TRAIP: variants seen among roughly 807,000 people sequenced by gnomAD.
The protein encoded by TRAIP is TRAF interacting protein, also known as E3 ubiquitin-protein ligase TRAIP.
TRAIP carries 37 observed loss-of-function variants against 65.0 expected under a neutral mutation model. That is an observed-to-expected ratio of 0.57 (90% CI 0.44 to 0.75). The LOEUF (loss-of-function observed/expected upper bound fraction) is 0.75, where lower values mean the gene tolerates loss of function less well. Among genes scored for constraint, TRAIP ranks in the 30% least tolerant of loss-of-function variants. The pLI is 0.00. For synonymous variants in TRAIP, 187 were observed against 219.1 expected (o/e 0.85, Z 1.29); for missense variants, 481 against 579.4 (o/e 0.83, Z 1.74).
intron 4 of TRAIP, 164 bp from the exon 5 acceptor site, chr3:49,844,092 A>G: frequency 4.4e-6 from 4 of 910,918 alleles, no homozygotes; most frequent in Non-Finnish European, 3.2e-6. Context: ...GTGCCAAACC[A>G]GAGAAGCTGA....
chr3:49,833,522 C>T (rs945405420), intron 10 of TRAIP, among the ~76,000 whole-genome samples: 1 of 151,906 alleles, frequency 6.6e-6, no homozygotes, highest in Non-Finnish European at 1.5e-5. Context: ...CTCTGTCACC[C>T]AGGCTGGAGT....
At chr3:49,847,442 G>A (rs2108319296) in intron 3 of TRAIP, 83 bp downstream of exon 3, 3 of 820,448 alleles carry the variant, frequency 3.7e-6, no homozygotes, top group Non-Finnish European at 5.9e-6. Context: ...GAGAAGAGAA[G>A]AGAAAAAAGA....
Position 49,828,970 on chromosome 3 carries a change from C to T in TRAIP, c.*133G>A. 1.6e-6 allele frequency: 2 copies of T among 1,280,400 alleles called. No homozygotes were observed. The highest frequency in any genetic ancestry group is 1.8e-5 in the Admixed American group (1 of 56,672). 79.3% of individuals were successfully genotyped at this position (1,280,400 alleles called of 1,614,324 possible). A position where few individuals can be genotyped will look rare whatever the true frequency, so the allele number is the denominator to read the frequency against. ...GCAGTCTCTGGGTGCCACACTCACC[C>T]TCACCTGTTTGTCTGCCCTTACACC... On this transcript the variant is annotated 3_prime_UTR_variant, in exon 15 of 15. Coordinates refer to ENST00000331456, the MANE Select transcript of TRAIP (RefSeq NM_005879.3).
At chr3:49,834,384 G>T (rs202088994) in intron 10 of TRAIP, among the ~76,000 whole-genome samples, 1 of 152,172 alleles carries the variant, frequency 6.6e-6, no homozygotes, top group East Asian at 1.9e-4. Flanking sequence ...ATGGCCAGGG[G>T]ACAAGAGACT....
intron 11 of TRAIP, among the ~76,000 whole-genome samples, chr3:49,831,150 C>A (rs996354655): frequency 6.6e-6 from 1 of 152,206 alleles, no homozygotes; most frequent in Non-Finnish European, 1.5e-5. Context: ...GTGCCCATGC[C>A]CCCTGAGGTT....
chr3:49,833,135 C>T (rs1203068525), intron 10 of TRAIP, among the ~76,000 whole-genome samples: 1 of 152,184 alleles, frequency 6.6e-6, no homozygotes, highest in African/African-American at 2.4e-5. Flanking sequence ...CAGCCAGGAC[C>T]ACTCATGCCA....
intron 11 of TRAIP, among the ~76,000 whole-genome samples, chr3:49,831,207 C>A (rs1192321613): frequency 2.0e-5 from 3 of 152,224 alleles, no homozygotes; most frequent in African/African-American, 7.2e-5. Flanking sequence ...CTCCCTTCCA[C>A]CTCCACTGTC....
chr3:49,847,444 G>A (rs1177655597), intron 3 of TRAIP, 81 bp downstream of exon 3: 3 of 871,032 alleles, frequency 3.4e-6, no homozygotes, highest in Non-Finnish European at 5.5e-6. Context: ...GAAGAGAAGA[G>A]AAAAAAGAAA....
chr3:49,841,523 T>C (rs577732269), intron 7 of TRAIP, among the ~76,000 whole-genome samples: 8 of 152,346 alleles, frequency 5.3e-5, no homozygotes, highest in Admixed American at 4.6e-4. Flanking sequence ...ATGGGGCTTA[T>C]AGCCCAGAGA....
intron 5 of TRAIP, 146 bp from the exon 6 acceptor site, chr3:49,842,693 A>T: frequency 2.8e-6 from 2 of 704,656 alleles, no homozygotes; most frequent in Non-Finnish European, 4.7e-6. Flanking sequence ...CCAGGAGGTA[A>T]AGCTCCTGGG....
intron 14 of TRAIP, 108 bp downstream of exon 14, chr3:49,829,350 C>T (rs1174838827): frequency 6.2e-7 from 1 of 1,610,844 alleles, no homozygotes; most frequent in East Asian, 2.2e-5. Context: ...AGAATGAGGC[C>T]CAGCACTGCA....
At chr3:49,832,781 C>A (rs2081748023) in intron 10 of TRAIP, among the ~76,000 whole-genome samples, 1 of 150,346 alleles carries the variant, frequency 6.7e-6, no homozygotes, top group Admixed American at 6.7e-5. Flanking sequence ...TCCAGCCCAC[C>A]CAGACCTGGC....
chr3:49,847,566 CA>C lies in TRAIP; in HGVS notation c.198del (p.Ala67ProfsTer13). ...RTIINKLFFDLAQEEENVLDA... is the reference protein window; with the variant it reads ...RTIINKLFFDXAQEEENVLDA... Reference sequence around the variant, plus strand: ...TCCAAGACATTCTCCTCCTCCTGGGCAAGATCAAAGAAGAGCTTATTGATAA... The same window carrying C: ...TCCAAGACATTCTCCTCCTCCTGGGCAGATCAAAGAAGAGCTTATTGATAA... On this transcript the variant is annotated frameshift_variant, in exon 3 of 15. Transcript: ENST00000331456. LOFTEE classifies it high-confidence loss of function. The C allele has an allele frequency of 6.2e-7, 1 of 1,611,870 alleles. No individual in the cohort carries two copies. The highest frequency in any genetic ancestry group is 8.5e-7 in the Non-Finnish European group (1 of 1,179,354).
chr3:49,849,981 G>A (rs2081917301), intron 1 of TRAIP, among the ~76,000 whole-genome samples: 3 of 151,088 alleles, frequency 2.0e-5, no homozygotes, highest in Admixed American at 2.0e-4. Context: ...CGAGTAGCTG[G>A]GACCACAGGC....
At chr3:49,849,057 C>T (rs1251373764) in intron 1 of TRAIP, among the ~76,000 whole-genome samples, 1 of 152,054 alleles carries the variant, frequency 6.6e-6, no homozygotes, top group Non-Finnish European at 1.5e-5. Flanking sequence ...GTTGGCCAGG[C>T]TGGTCTTGAA....
Position 49,828,772 on chromosome 3 carries a change from A to G in TRAIP, c.*331T>C. 3.2e-6 allele frequency: 1 copy of G among 308,832 alleles called. No individual in the cohort carries two copies. The highest frequency in any genetic ancestry group is 2.1e-5 in the African/African-American group (1 of 47,098). The allele number at this position is 308,832 out of a possible 1,614,324, so 19.1% of individuals were successfully genotyped here. On this transcript the variant is annotated 3_prime_UTR_variant, in exon 15 of 15. Coordinates refer to ENST00000331456, the MANE Select transcript of TRAIP (RefSeq NM_005879.3). Reference sequence around the variant, plus strand: ...TGAGATGCCTCAAGCACTCTGGTCCACAGAGACAGTCAACAAGTGACCGTG... The same window carrying G: ...TGAGATGCCTCAAGCACTCTGGTCCGCAGAGACAGTCAACAAGTGACCGTG...
At chr3:49,832,157 G>C in intron 10 of TRAIP, 89 bp from the exon 11 acceptor site, 10 of 1,402,810 alleles carry the variant, frequency 7.1e-6, no homozygotes, top group Non-Finnish European at 9.4e-6. Context: ...TCAGCTCCAG[G>C]GACCTGGAGC....
chr3:49,842,004 G>A (rs1165220455), intron 6 of TRAIP, 65 bp from the exon 7 acceptor site: 9 of 1,305,954 alleles, frequency 6.9e-6, no homozygotes, highest in South Asian at 2.4e-5. Context: ...ACCCAGTGCC[G>A]CTCTGCCTTC....
intron 3 of TRAIP, 126 bp from the exon 4 acceptor site, chr3:49,844,706 T>C (rs1004892524): frequency 2.0e-6 from 2 of 1,015,686 alleles, no homozygotes; most frequent in East Asian, 2.5e-5. Context: ...AATCCTGCAG[T>C]GCCTCAAGGC....
Sources: allele counts gnomAD v4.1 joint callset (sites outside exome capture counted in the v4.1 genomes callset), GRCh38; gene constraint gnomAD v4.1.1; transcripts MANE v1.5; gene names NCBI Gene and HGNC (gene_info 2026-07-23, HGNC 2026-07-21).